ANXA8: variants seen among roughly 807,000 people sequenced by gnomAD.
ANXA8 encodes the protein VAC-beta.
A neutral mutation model predicts 26.8 loss-of-function variants in ANXA8; 9 were observed. That is an observed-to-expected ratio of 0.34 (90% CI 0.20 to 0.59). The LOEUF is 0.59. Ranked by LOEUF, ANXA8 falls within the 20% of genes least tolerant of loss-of-function variation. The pLI, the probability that ANXA8 is intolerant of heterozygous loss-of-function variation, is 0.84. For missense variants in ANXA8, 83 were observed against 238.5 expected (o/e 0.35, Z 4.29); for synonymous variants, 39 against 94.8 (o/e 0.41, Z 3.42).
chr10:47,714,111 C>T, the ANXA8 span, among the ~76,000 whole-genome samples: 6 of 73,496 alleles, frequency 8.2e-5, no homozygotes, highest in Middle Eastern at 5.1e-3. Flanking sequence ...ACTGGTTGTC[C>T]GCTAAAATGT....
chr10:47,940,763 G>T, the ANXA8 span, among the ~76,000 whole-genome samples: 1 of 145,164 alleles, frequency 6.9e-6, no homozygotes, highest in African/African-American at 2.7e-5. Context: ...GGAGGGAGGA[G>T]GTTGCAGTGA....
At chr10:47,974,237 G>A in the ANXA8 span, among the ~76,000 whole-genome samples, 1 of 149,164 alleles carries the variant, frequency 6.7e-6, no homozygotes, top group Non-Finnish European at 1.5e-5. Flanking sequence ...TGCAAATGAA[G>A]ATGAATTGTA....
chr10:47,717,984 C>G, the ANXA8 span, among the ~76,000 whole-genome samples: 60 of 92,262 alleles, frequency 6.5e-4, no homozygotes, highest in Non-Finnish European at 1.1e-3. Flanking sequence ...GGTGACAGAG[C>G]AATACTCTGT....
the ANXA8 span, among the ~76,000 whole-genome samples, chr10:47,496,933 A>T: frequency 0.027 from 3,491 of 131,140 alleles, 171 homozygotes; most frequent in African/African-American, 0.1. Context: ...GGGTTTCTCC[A>T]TTGTAAAGAT....
chr10:47,745,651 G>A, the ANXA8 span, among the ~76,000 whole-genome samples: 1 of 131,836 alleles, frequency 7.6e-6, no homozygotes, highest in Non-Finnish European at 1.7e-5. Context: ...CAGCTCTGCA[G>A]TAGGGGGGTT....
the ANXA8 span, among the ~76,000 whole-genome samples, chr10:47,765,970 A>G: frequency 6.7e-6 from 1 of 149,520 alleles, no homozygotes; most frequent in Non-Finnish European, 1.5e-5. Context: ...TTCAAGATGA[A>G]CCCCCAGCAT....
chr10:47,761,102 GCACACA>G, the ANXA8 span, among the ~76,000 whole-genome samples: 186 of 145,572 alleles, frequency 1.3e-3, 5 homozygotes, highest in African/African-American at 4.3e-3. Flanking sequence ...ACACACACAC[GCACACA>G]CACACACACA....
At chr10:47,701,901 T>C in the ANXA8 span, among the ~76,000 whole-genome samples, 14 of 151,348 alleles carry the variant, frequency 9.3e-5, no homozygotes, top group African/African-American at 3.4e-4. Context: ...AGAACAAACC[T>C]AAGTAGCTGT....
the ANXA8 span, among the ~76,000 whole-genome samples, chr10:47,945,920 A>C: frequency 4.7e-5 from 6 of 126,542 alleles, no homozygotes; most frequent in South Asian, 1.6e-3. Flanking sequence ...GCCACCATGC[A>C]GAGGGTGGTC....
At chr10:47,495,839 CA>C in the ANXA8 span, among the ~76,000 whole-genome samples, 6 of 151,312 alleles carry the variant, frequency 4.0e-5, no homozygotes, top group Admixed American at 1.3e-4. Context: ...GGGGGCAACC[CA>C]GGGGGGAATC....
At chr10:47,573,502 C>G in the ANXA8 span, among the ~76,000 whole-genome samples, 1 of 128,370 alleles carries the variant, frequency 7.8e-6, no homozygotes, top group African/African-American at 3.0e-5. Flanking sequence ...GTAGATGCCT[C>G]TAGAAAGATT....
chr10:47,658,935 G>C, the ANXA8 span, among the ~76,000 whole-genome samples: 148 of 148,506 alleles, frequency 1.0e-3, no homozygotes, highest in South Asian at 3.1e-3. Flanking sequence ...GCAGTGGCAT[G>C]GTCTCGGCTC....
the ANXA8 span, among the ~76,000 whole-genome samples, chr10:47,650,946 G>A: frequency 6.6e-6 from 1 of 150,540 alleles, no homozygotes; most frequent in Admixed American, 6.6e-5. Context: ...AAAAATCACA[G>A]TGAGGCCAGG....
the ANXA8 span, among the ~76,000 whole-genome samples, chr10:47,682,071 A>G: frequency 6.6e-6 from 1 of 150,846 alleles, no homozygotes; most frequent in African/African-American, 2.5e-5. Context: ...GTTGCCAAAC[A>G]TGGGTTCTCT....
the ANXA8 span, among the ~76,000 whole-genome samples, chr10:47,670,478 T>G: frequency 6.6e-6 from 1 of 152,162 alleles, no homozygotes; most frequent in Non-Finnish European, 1.5e-5. Context: ...TATATTCCTA[T>G]TAGCAATACA....
the ANXA8 span, among the ~76,000 whole-genome samples, chr10:47,650,198 T>A: frequency 7.1e-6 from 1 of 140,600 alleles, no homozygotes; most frequent in African/African-American, 2.9e-5. Flanking sequence ...ACAGGGCAAG[T>A]CTGTCTCAAA....
the ANXA8 span, among the ~76,000 whole-genome samples, chr10:47,767,813 A>G: frequency 6.6e-6 from 1 of 150,696 alleles, no homozygotes; most frequent in African/African-American, 2.5e-5. Flanking sequence ...AGAAGGAGCT[A>G]AGTCTGGGGC....
the ANXA8 span, among the ~76,000 whole-genome samples, chr10:47,952,826 G>A: frequency 6.7e-6 from 1 of 149,058 alleles, no homozygotes; most frequent in African/African-American, 2.5e-5. Flanking sequence ...TCCTGTTTCT[G>A]GACATACATA....
intron 9 of ANXA8, 131 bp downstream of exon 9, chr10:47,473,839 T>C: frequency 4.4e-6 from 1 of 225,726 alleles, no homozygotes. Context: ...AGAGTGTGAG[T>C]CGGGGGGACA....
Sources: gnomAD v4.1 joint callset for allele counts (sites outside exome capture counted in the v4.1 genomes callset) on GRCh38, gnomAD v4.1.1 for gene constraint, MANE v1.5 for transcripts, NCBI Gene and HGNC (gene_info 2026-07-23, HGNC 2026-07-21) for gene names.